The following CAPN13 variants were observed in gnomAD, a reference collection of about 807,000 sequenced individuals.
The protein encoded by CAPN13 is calpain-13.
In CAPN13, 90 loss-of-function variants were observed where a neutral mutation model predicts 98.4. The observed-to-expected ratio is 0.92, with a 90% CI of 0.77 to 1.09. The LOEUF (loss-of-function observed/expected upper bound fraction) is 1.09, where lower values mean the gene tolerates loss of function less well. Ranked by LOEUF, CAPN13 falls within the 50% of genes least tolerant of loss-of-function variation. CAPN13 has a pLI of 0.00. For synonymous variants in CAPN13, 330 were observed against 305.5 expected, an observed-to-expected ratio of 1.08 and a Z score of -0.84; for missense variants, 887 against 841.3, an observed-to-expected ratio of 1.05 and a Z score of -0.67.
At chr2:30,735,611 C>T (rs1371652451) in intron 18 of CAPN13, among the ~76,000 whole-genome samples, 2 of 152,112 alleles carry the variant, frequency 1.3e-5, no homozygotes, top group Non-Finnish European at 2.9e-5. Flanking sequence ...CCGGGGGACC[C>T]AGGGGAGTGG....
intron 5 of CAPN13, 110 bp from the exon 6 acceptor site, chr2:30,764,416 C>T: frequency 1.6e-6 from 2 of 1,221,318 alleles, no homozygotes. Flanking sequence ...GCTGCCTGGT[C>T]CACTCCTGAT....
At chr2:30,788,002 G>A (rs1674402026) in intron 1 of CAPN13, among the ~76,000 whole-genome samples, 1 of 152,156 alleles carries the variant, frequency 6.6e-6, no homozygotes, top group South Asian at 2.1e-4. Context: ...CCACAGGAGA[G>A]ACAGTGGTAG....
intron 5 of CAPN13, among the ~76,000 whole-genome samples, chr2:30,768,667 G>T (rs1480587518): frequency 1.5e-5 from 2 of 129,982 alleles, no homozygotes; most frequent in Non-Finnish European, 3.0e-5. Flanking sequence ...TTCATTTCAT[G>T]AACTTTCTTT....
intron 5 of CAPN13, 45 bp downstream of exon 5, chr2:30,770,268 C>T (rs1003192813): frequency 1.2e-6 from 2 of 1,602,594 alleles, no homozygotes; most frequent in Non-Finnish European, 1.7e-6. Context: ...GTAGGCAGGA[C>T]CAGCACTGAA....
chr2:30,755,480 C>CTTAA (rs368221561), intron 8 of CAPN13, among the ~76,000 whole-genome samples: 1 of 152,004 alleles, frequency 6.6e-6, no homozygotes, highest in Non-Finnish European at 1.5e-5. Flanking sequence ...TTTTTGTTTG[C>CTTAA]TTAATTAATT....
At chr2:30,741,774 AAG>A in intron 15 of CAPN13, 132 bp downstream of exon 15, 1 of 1,521,904 alleles carries the variant, frequency 6.6e-7, no homozygotes, top group South Asian at 1.2e-5. Context: ...ACGATCCAGG[AAG>A]AGAGGCAGGT....
At chr2:30,776,675 A>G (rs1440352738) in intron 3 of CAPN13, among the ~76,000 whole-genome samples, 2 of 152,174 alleles carry the variant, frequency 1.3e-5, no homozygotes, top group South Asian at 2.1e-4. Context: ...TGAGGGATGC[A>G]TGGCCTCGAG....
intron 14 of CAPN13, 65 bp downstream of exon 14, chr2:30,742,261 C>T (rs956483600): frequency 1.7e-5 from 26 of 1,537,852 alleles, no homozygotes; most frequent in South Asian, 1.1e-4. Flanking sequence ...AAGAAGGAGA[C>T]GGAAGCTCTT....
intron 2 of CAPN13, among the ~76,000 whole-genome samples, chr2:30,781,582 C>T (rs1364568272): frequency 1.3e-5 from 2 of 152,128 alleles, no homozygotes; most frequent in Non-Finnish European, 2.9e-5. Flanking sequence ...AAAATTTGCC[C>T]TTTCTCTGCC....
chr2:30,760,627 C>T (rs1392025402), intron 7 of CAPN13, among the ~76,000 whole-genome samples: 6 of 152,232 alleles, frequency 3.9e-5, no homozygotes, highest in East Asian at 3.8e-4. Context: ...GATTAAAAAG[C>T]GCGCCACATT....
chr2:30,736,439 C>T (rs1453071446), intron 18 of CAPN13, 64 bp downstream of exon 18: 4 of 1,487,888 alleles, frequency 2.7e-6, no homozygotes, highest in African/African-American at 2.8e-5. Context: ...CAGGGTTAGA[C>T]ACCCAGTAAA....
chr2:30,757,999 C>CA, intron 8 of CAPN13, 47 bp downstream of exon 8: 1 of 1,454,312 alleles, frequency 6.9e-7, no homozygotes, highest in Non-Finnish European at 9.3e-7. Context: ...GCTCTACCGA[C>CA]ACCAAGCGCT....
chr2:30,738,104 AACTCAAGGACAGG>A, intron 17 of CAPN13, 118 bp downstream of exon 17: 1 of 902,400 alleles, frequency 1.1e-6, no homozygotes, highest in Non-Finnish European at 1.8e-6. Context: ...AATCCCCAGA[AACTCAAGGACAGG>A]GAAGAAGAGA....
intron 22 of CAPN13, among the ~76,000 whole-genome samples, chr2:30,726,877 C>G (rs1050000178): frequency 6.6e-6 from 1 of 152,080 alleles, no homozygotes; most frequent in African/African-American, 2.4e-5. Flanking sequence ...GCAAGGAACC[C>G]AGAAGAGCCA....
At chr2:30,804,713 C>A (rs1675501470) in intron 1 of CAPN13, among the ~76,000 whole-genome samples, 1 of 152,176 alleles carries the variant, frequency 6.6e-6, no homozygotes, top group African/African-American at 2.4e-5. Flanking sequence ...CTGCTCCCAT[C>A]TTTTGCATGG....
intron 7 of CAPN13, among the ~76,000 whole-genome samples, chr2:30,758,789 T>TCCTTTCCTTCCTCCCTCCCTCCCTCCCTC (rs796464019): frequency 1.8e-5 from 2 of 109,134 alleles, no homozygotes; most frequent in Admixed American, 9.9e-5. Context: ...TCCCTCCCTT[T>TCCTTTCCTTCCTCCCTCCCTCCCTCCCTC]CCTTTCCTTC....
chr2:30,802,542 T>TG lies in CAPN13; in HGVS notation c.-33+4759dup, dbSNP rs56730178. Among the ~76,000 whole-genome samples the TG allele has an allele frequency of 8.6e-3, 989 of 114,470 alleles. 8 individuals carry two copies. Among genetic ancestry groups the TG allele is most frequent in the African/African-American group, 0.014 (440 of 30,614 alleles). The allele number at this position is 114,470 out of a possible 152,430, so 75.1% of individuals were successfully genotyped here. ...GTGAGTGAAGCAGAGAAAGGCAGGC[T>TG]GGGGGGGGGGGGTGGTGGTTAGACC... is the stretch of plus-strand genomic sequence containing the variant. On this transcript the variant is annotated intron_variant, in intron 1 of 22. Coordinates refer to ENST00000295055, the MANE Select transcript of CAPN13 (RefSeq NM_144575.3).
intron 5 of CAPN13, among the ~76,000 whole-genome samples, chr2:30,764,787 A>G (rs1673030598): frequency 1.3e-5 from 2 of 152,164 alleles, no homozygotes; most frequent in South Asian, 4.1e-4. Context: ...GCGAGGGACT[A>G]TGAGAGGCAT....
chr2:30,740,742 T>C (rs1671611959), intron 15 of CAPN13, among the ~76,000 whole-genome samples: 1 of 152,230 alleles, frequency 6.6e-6, no homozygotes, highest in South Asian at 2.1e-4. Context: ...TTAGAAAATC[T>C]GTCCCATCTT....
Sources: gnomAD v4.1 joint callset for allele counts (sites outside exome capture counted in the v4.1 genomes callset) on GRCh38, gnomAD v4.1.1 for gene constraint, MANE v1.5 for transcripts, NCBI Gene and HGNC (gene_info 2026-07-23, HGNC 2026-07-21) for gene names.